Variants in ZRANB3 observed in about 807,000 individuals in gnomAD.
ZRANB3 encodes zinc finger RANBP2-type containing 3.
Under a neutral mutation model 133.8 loss-of-function variants are expected in ZRANB3, and 125 were observed. That is an observed-to-expected ratio of 0.93 (90% CI 0.81 to 1.08). ZRANB3 has a LOEUF of 1.08. Among genes scored for constraint, ZRANB3 ranks in the 50% least tolerant of loss-of-function variants. The pLI, the probability that ZRANB3 is intolerant of heterozygous loss-of-function variation, is 0.00. For missense variants in ZRANB3, 1,229 were observed against 1,275.5 expected (o/e 0.96, Z 0.56); for synonymous variants, 387 against 432.7 (o/e 0.89, Z 1.31).
At chr2:135,456,125 T>C (rs1462865311) in intron 2 of ZRANB3, among the ~76,000 whole-genome samples, 1 of 152,220 alleles carries the variant, frequency 6.6e-6, no homozygotes, top group Non-Finnish European at 1.5e-5. Context: ...GGTATGTTGA[T>C]TAGGGTAGAC....
chr2:135,419,039 G>A (rs558037464), intron 2 of ZRANB3, among the ~76,000 whole-genome samples: 5 of 138,066 alleles, frequency 3.6e-5, no homozygotes, highest in Non-Finnish European at 6.1e-5. Flanking sequence ...CCGGGTTCAC[G>A]CCATTCTCCT....
intron 12 of ZRANB3, among the ~76,000 whole-genome samples, chr2:135,231,350 G>A (rs1165207865): frequency 1.3e-5 from 2 of 152,106 alleles, no homozygotes; most frequent in African/African-American, 4.8e-5. Flanking sequence ...AAAGGCAACT[G>A]TGTATTCAAA....
chr2:135,462,822 A>C (rs1333980728), intron 2 of ZRANB3, among the ~76,000 whole-genome samples: 3 of 151,754 alleles, frequency 2.0e-5, no homozygotes, highest in Non-Finnish European at 4.4e-5. Context: ...TAAACTCCTG[A>C]CCTCAGGTGA....
Position 135,273,427 on chromosome 2 carries a change from A to T in ZRANB3, c.1087-1540T>A, listed in dbSNP as rs143128291. On this transcript the variant is annotated intron_variant, in intron 9 of 20. Transcript: ENST00000264159. Reference sequence around the variant, plus strand: ...GTATACATTAACCAGTAAACCATTTAATAGCCATTAAGGAAGATTATAAAA... The same window carrying T: ...GTATACATTAACCAGTAAACCATTTTATAGCCATTAAGGAAGATTATAAAA... 2.6e-3 allele frequency among the ~76,000 whole-genome samples: 398 copies of T among 152,350 alleles called. 1 individual carries two copies. Among genetic ancestry groups the T allele is most frequent in the African/African-American group, 8.7e-3 (362 of 41,590 alleles).
intron 6 of ZRANB3, among the ~76,000 whole-genome samples, chr2:135,339,411 A>AC: frequency 6.6e-6 from 1 of 152,088 alleles, no homozygotes; most frequent in African/African-American, 2.4e-5. Flanking sequence ...CTGAAAAAAA[A>AC]AACAACAAAA....
At chr2:135,259,700 GAGCCACTGCACCC>G (rs1214090244) in intron 12 of ZRANB3, among the ~76,000 whole-genome samples, 1 of 152,046 alleles carries the variant, frequency 6.6e-6, no homozygotes. Flanking sequence ...TTACAGGCGT[GAGCCACTGCACCC>G]AGCCAGAAAG....
intron 2 of ZRANB3, among the ~76,000 whole-genome samples, chr2:135,488,879 T>C (rs1692246672): frequency 6.7e-6 from 1 of 150,218 alleles, no homozygotes; most frequent in Non-Finnish European, 1.5e-5. Context: ...TTATACTATA[T>C]AGCATACTAT....
rs781492529 is a variant in ZRANB3, at chr2:135,208,923, C to T, written c.2551G>A (p.Gly851Arg). 1 of 1,613,972 alleles carries T rather than the reference C, an allele frequency of 6.2e-7. No homozygotes were observed. The highest frequency in any genetic ancestry group is 1.1e-5 in the South Asian group (1 of 91,074). The change falls in exon 18 of 21, where the codon GGG (glycine) becomes AGG (arginine). Residue 851 changes from glycine (G) to arginine (R), a missense_variant. Transcript: ENST00000264159. ...TTTGTGATCAGACGGACATGGCCCC[C>T]AACATTCTTCACTTTGTCCATTGAG... ...VASMDKVKNVGGHVRLITKES... is the reference protein window; with the variant it reads ...VASMDKVKNVRGHVRLITKES...
intron 12 of ZRANB3, among the ~76,000 whole-genome samples, chr2:135,264,468 C>T (rs1254388383): frequency 1.6e-5 from 2 of 123,400 alleles, no homozygotes; most frequent in Non-Finnish European, 3.3e-5. Flanking sequence ...AAGACTCTGT[C>T]TCAAAAAAAA....
At chr2:135,214,497 C>T (rs1321618422) in intron 17 of ZRANB3, among the ~76,000 whole-genome samples, 1 of 151,974 alleles carries the variant, frequency 6.6e-6, no homozygotes, top group Non-Finnish European at 1.5e-5. Context: ...TTTAAGTGGT[C>T]ATCCATGTCC....
chr2:135,346,253 T>A (rs1004537270), intron 5 of ZRANB3, among the ~76,000 whole-genome samples: 4 of 152,038 alleles, frequency 2.6e-5, no homozygotes, highest in Non-Finnish European at 5.9e-5. Flanking sequence ...CCCACCACCA[T>A]GCCCGGCTAA....
intron 6 of ZRANB3, among the ~76,000 whole-genome samples, chr2:135,343,010 C>CAAAAAAAA (rs11435525): frequency 1.3e-4 from 7 of 55,216 alleles, no homozygotes; most frequent in South Asian, 1.6e-3. Flanking sequence ...ACTAAAAATC[C>CAAAAAAAA]AAAAAAAAAA....
At chr2:135,402,076 T>G (rs1465758109) in intron 2 of ZRANB3, among the ~76,000 whole-genome samples, 1 of 151,876 alleles carries the variant, frequency 6.6e-6, no homozygotes, top group Non-Finnish European at 1.5e-5. Context: ...TATATGAAAT[T>G]TTTTAACCTA....
At chr2:135,501,512 T>C (rs534403344) in intron 2 of ZRANB3, among the ~76,000 whole-genome samples, 17 of 152,284 alleles carry the variant, frequency 1.1e-4, no homozygotes, top group African/African-American at 3.4e-4. Context: ...ATTAATCCAA[T>C]AACACCATCT....
intron 2 of ZRANB3, among the ~76,000 whole-genome samples, chr2:135,451,261 C>T (rs1245366184): frequency 6.6e-6 from 1 of 152,064 alleles, no homozygotes; most frequent in Non-Finnish European, 1.5e-5. Flanking sequence ...CCATGTCTGG[C>T]ATCCAGTAAA....
intron 12 of ZRANB3, among the ~76,000 whole-genome samples, chr2:135,243,656 T>C (rs942023358): frequency 6.6e-6 from 1 of 152,130 alleles, no homozygotes; most frequent in African/African-American, 2.4e-5. Context: ...TCTTTCTTTG[T>C]CACCAAGGCT....
At chr2:135,511,046 C>T (rs1205004384) in intron 1 of ZRANB3, 1 of 776,496 alleles carries the variant, frequency 1.3e-6, no homozygotes, top group African/African-American at 1.7e-5. Flanking sequence ...TCCTTTGATC[C>T]CTTTGAGGTT....
intron 12 of ZRANB3, among the ~76,000 whole-genome samples, chr2:135,237,244 C>T (rs1316312462): frequency 2.0e-5 from 3 of 149,874 alleles, no homozygotes; most frequent in Admixed American, 2.0e-4. Flanking sequence ...CAATGAGATA[C>T]CATCTCACAC....
intron 2 of ZRANB3, among the ~76,000 whole-genome samples, chr2:135,466,575 T>G (rs1262120911): frequency 6.6e-6 from 1 of 152,098 alleles, no homozygotes; most frequent in Admixed American, 6.5e-5. Context: ...TTTGGAATCT[T>G]GGATTAATCA....
Sources: gnomAD v4.1 joint callset for allele counts (sites outside exome capture counted in the v4.1 genomes callset) on GRCh38, gnomAD v4.1.1 for gene constraint, MANE v1.5 for transcripts, NCBI Gene and HGNC (gene_info 2026-07-23, HGNC 2026-07-21) for gene names.